HSD17B4: variants seen among roughly 807,000 people sequenced by gnomAD.
The protein encoded by HSD17B4 is hydroxysteroid 17-beta dehydrogenase 4, also known as peroxisomal multifunctional enzyme type 2.
A neutral mutation model predicts 101.0 loss-of-function variants in HSD17B4; 70 were observed. The ratio of observed to expected loss-of-function variants is 0.69; its 90% confidence interval spans 0.57 to 0.85. HSD17B4 has a LOEUF of 0.85. HSD17B4 is among the 40% of genes least tolerant of loss of function. HSD17B4 has a pLI of 0.00. For missense variants in HSD17B4, 984 were observed against 892.4 expected, an observed-to-expected ratio of 1.10 and a Z score of -1.31; for synonymous variants, 347 against 297.1, an observed-to-expected ratio of 1.17 and a Z score of -1.73.
intron 8 of HSD17B4, among the ~76,000 whole-genome samples, chr5:119,483,226 A>G (rs114977561): frequency 3.3e-5 from 5 of 152,054 alleles, no homozygotes; most frequent in East Asian, 1.9e-4. Context: ...GCCTCTAGCA[A>G]TTTGTCGGTT....
At chr5:119,458,037 A>T (rs989199965) in intron 2 of HSD17B4, among the ~76,000 whole-genome samples, 7 of 152,214 alleles carry the variant, frequency 4.6e-5, no homozygotes, top group Non-Finnish European at 1.0e-4. Context: ...GATTAGGAGT[A>T]TTTGAATTCT....
chr5:119,457,478 T>C (rs1206737598), intron 2 of HSD17B4, among the ~76,000 whole-genome samples: 2 of 152,232 alleles, frequency 1.3e-5, no homozygotes, highest in Non-Finnish European at 2.9e-5. Flanking sequence ...CACTGACGCT[T>C]TGGATGTTCC....
chr5:119,453,019 G>T (rs1238161349), intron 1 of HSD17B4, among the ~76,000 whole-genome samples: 1 of 152,240 alleles, frequency 6.6e-6, no homozygotes, highest in Non-Finnish European at 1.5e-5. Context: ...GAAAAGCCGC[G>T]AGGGGCGGGG....
intron 8 of HSD17B4, among the ~76,000 whole-genome samples, chr5:119,480,548 A>G (rs1376158329): frequency 6.6e-6 from 1 of 152,308 alleles, no homozygotes; most frequent in Non-Finnish European, 1.5e-5. Flanking sequence ...GTAATAGAAT[A>G]TCACAAGGCA....
At chr5:119,523,334 T>G (rs1347010339) in intron 17 of HSD17B4, among the ~76,000 whole-genome samples, 1 of 152,156 alleles carries the variant, frequency 6.6e-6, no homozygotes, top group African/African-American at 2.4e-5. Flanking sequence ...ATTTTTTTGG[T>G]GGTTGTTATT....
chr5:119,474,536 A>G lies in HSD17B4; in HGVS notation c.280+76A>G, dbSNP rs564456332. ...ATGAAATATTTTTAAGTTGACTTTC[A>G]TTTACTAAACAGATACCTCTTTCCT... On this transcript the variant is annotated intron_variant, in intron 4 of 23. Coordinates refer to ENST00000510025, the MANE Select transcript of HSD17B4 (RefSeq NM_000414.4). The G allele has an allele frequency of 2.8e-5, 25 of 882,518 alleles. No homozygotes were observed. The East Asian group carries it at 6.0e-4, about 21-fold the overall frequency. The allele number at this position is 882,518 out of a possible 1,614,324, so 54.7% of individuals were successfully genotyped here. A position where few individuals can be genotyped will look rare whatever the true frequency, so the allele number is the denominator to read the frequency against.
intron 14 of HSD17B4, among the ~76,000 whole-genome samples, chr5:119,504,256 C>G (rs960039370): frequency 1.3e-5 from 2 of 151,964 alleles, no homozygotes; most frequent in African/African-American, 4.8e-5. Flanking sequence ...GTGCATATGT[C>G]TTTTTGGTGG....
chr5:119,465,446 A>G (rs1279942078), intron 2 of HSD17B4, among the ~76,000 whole-genome samples: 2 of 152,132 alleles, frequency 1.3e-5, no homozygotes, highest in Non-Finnish European at 1.5e-5. Context: ...CACTCTTGCC[A>G]TTGTGATGCA....
At chr5:119,462,453 A>C (rs1434166438) in intron 2 of HSD17B4, among the ~76,000 whole-genome samples, 1 of 151,736 alleles carries the variant, frequency 6.6e-6, no homozygotes, top group African/African-American at 2.4e-5. Context: ...TTATCTGTGA[A>C]AGTAGGAACA....
chr5:119,486,446 TAA>T (rs1348113773), intron 8 of HSD17B4, among the ~76,000 whole-genome samples: 4 of 152,158 alleles, frequency 2.6e-5, no homozygotes, highest in African/African-American at 9.7e-5. Context: ...GGTAATCACT[TAA>T]AGAGAATATT....
At position 119,476,506 on chromosome 5, in the gene HSD17B4, C is replaced by T. The variant is rs966329049; in HGVS notation, c.349+636C>T. ...GGGAAGCATGGCAACTGAGGTGAAA[C>T]AATTGTATCATTGTTTATAGAGTGT... On this transcript the variant is annotated intron_variant, in intron 6 of 23. Coordinates refer to ENST00000510025, the MANE Select transcript of HSD17B4 (RefSeq NM_000414.4). 5 of 955,192 alleles carry T rather than the reference C, an allele frequency of 5.2e-6. No homozygotes were observed. The African/African-American group carries it at 8.8e-5, about 17-fold the overall frequency. The allele number at this position is 955,192 out of a possible 1,614,324, so 59.2% of individuals were successfully genotyped here. A position where few individuals can be genotyped will look rare whatever the true frequency, so the allele number is the denominator to read the frequency against.
intron 14 of HSD17B4, among the ~76,000 whole-genome samples, chr5:119,504,842 G>A (rs751520292): frequency 6.6e-6 from 1 of 152,036 alleles, no homozygotes; most frequent in Non-Finnish European, 1.5e-5. Context: ...TGTCCAGGAT[G>A]GTATTTCCTA....
intron 16 of HSD17B4, among the ~76,000 whole-genome samples, chr5:119,510,805 C>T (rs1239499161): frequency 3.3e-5 from 5 of 152,188 alleles, no homozygotes; most frequent in Admixed American, 2.0e-4. Context: ...CAGCCAAGAA[C>T]GTAGGAGCCC....
intron 2 of HSD17B4, among the ~76,000 whole-genome samples, chr5:119,464,384 C>T (rs950949841): frequency 6.6e-6 from 1 of 152,040 alleles, no homozygotes; most frequent in Non-Finnish European, 1.5e-5. Flanking sequence ...AGGTAGGGGT[C>T]TATTTTCATT....
chr5:119,452,688 C>G, intron 1 of HSD17B4, 55 bp downstream of exon 1: 1 of 1,610,810 alleles, frequency 6.2e-7, no homozygotes, highest in Admixed American at 1.7e-5. Flanking sequence ...GCTGGCTGCT[C>G]TTTTCGGGCC....
At chr5:119,500,292 G>A (rs1751038616) in intron 13 of HSD17B4, among the ~76,000 whole-genome samples, 1 of 151,280 alleles carries the variant, frequency 6.6e-6, no homozygotes, top group South Asian at 2.1e-4. Flanking sequence ...TGGATAATTG[G>A]GATATGTATA....
intron 22 of HSD17B4, among the ~76,000 whole-genome samples, 165 bp downstream of exon 22, chr5:119,531,569 GT>G (rs2126897632): frequency 8.3e-6 from 1 of 120,336 alleles, no homozygotes; most frequent in Admixed American, 8.2e-5. Flanking sequence ...CCAAAGGGGG[GT>G]GTGTGTGTGT....
chr5:119,541,871 C>T lies in HSD17B4; in HGVS notation c.2122-34C>T, dbSNP rs28943593. 137,158 of 1,156,148 alleles carry T rather than the reference C, an allele frequency of 0.12. 9,110 individuals are homozygous for T. The highest frequency in any genetic ancestry group is 0.16 in the South Asian group (13,045 of 81,648). 71.6% of individuals were successfully genotyped at this position (1,156,148 alleles called of 1,614,324 possible). ...AAAGAAATAAACTATAACATGGTAA[C>T]AGTTGGCACTCTTTTTCCCTCCTCT... On this transcript the variant is annotated intron_variant, in intron 23 of 23. Transcript: ENST00000510025.
In HSD17B4 at chr5:119,525,106, G is replaced by A; in HGVS notation, c.1504-110G>A. 2.8e-6 allele frequency: 2 copies of A among 716,536 alleles called. 1 individual carries two copies. Among genetic ancestry groups the A allele is most frequent in the Middle Eastern group, 5.2e-4 (2 of 3,858 alleles). 44.4% of individuals were successfully genotyped at this position (716,536 alleles called of 1,614,324 possible). The stretch of plus-strand genomic sequence containing the variant: ...ATTATTTTTAAAATCAGAGCCTCAG[G>A]TACATTATGATACAATGCTTATACC... On this transcript the variant is annotated intron_variant, in intron 17 of 23. Transcript: ENST00000510025.
Sources: allele counts gnomAD v4.1 joint callset (sites outside exome capture counted in the v4.1 genomes callset), GRCh38; gene constraint gnomAD v4.1.1; transcripts MANE v1.5; gene names NCBI Gene and HGNC (gene_info 2026-07-23, HGNC 2026-07-21).